Variants in ASMTL observed in about 807,000 individuals in gnomAD.
ASMTL encodes the protein acetylserotonin O-methyltransferase like.
In ASMTL, 57 loss-of-function variants were observed where a neutral mutation model predicts 60.3. That is an observed-to-expected ratio of 0.95 (90% CI 0.76 to 1.18). The LOEUF is 1.18. Among genes scored for constraint, ASMTL ranks in the 50% most tolerant of loss-of-function variants. The probability of loss-of-function intolerance (pLI) is 0.00; values close to 1 mark genes in which losing one functional copy is unlikely to be tolerated. For synonymous variants in ASMTL, 419 were observed against 373.0 expected (o/e 1.12, Z -1.42); for missense variants, 981 against 852.6 (o/e 1.15, Z -1.88).
chrX:1,439,065 C>T, intron 3 of ASMTL, 32 bp downstream of exon 3: 1 of 1,612,240 alleles, frequency 6.2e-7, no homozygotes, highest in Non-Finnish European at 8.5e-7. Context: ...CCACATCGGA[C>T]ATTAGAAACG....
At chrX:1,436,283 C>T (rs748126952) in intron 3 of ASMTL, among the ~76,000 whole-genome samples, 1 of 152,174 alleles carries the variant, frequency 6.6e-6, no homozygotes, top group African/African-American at 2.4e-5. Context: ...AAGTGATTCT[C>T]CTGCCTCAGC....
At chrX:1,434,955 G>T in intron 5 of ASMTL, 67 bp downstream of exon 5, 1 of 1,573,898 alleles carries the variant, frequency 6.4e-7, no homozygotes, top group Non-Finnish European at 8.7e-7. Flanking sequence ...CAAGCCAAGG[G>T]TCCCGAGAAT....
chrX:1,447,144 C>A (rs2091244751), intron 1 of ASMTL, among the ~76,000 whole-genome samples: 1 of 152,234 alleles, frequency 6.6e-6, no homozygotes, highest in South Asian at 2.1e-4. Flanking sequence ...CTCTTCCCCT[C>A]CAGGGCTGTG....
chrX:1,434,031 G>A (rs1424016743), intron 5 of ASMTL, among the ~76,000 whole-genome samples: 1 of 152,162 alleles, frequency 6.6e-6, no homozygotes, highest in Non-Finnish European at 1.5e-5. Context: ...AGGTCCCATG[G>A]GACCCGGCCC....
At chrX:1,425,752 C>A in intron 7 of ASMTL, 65 bp from the exon 8 acceptor site, 1 of 1,540,500 alleles carries the variant, frequency 6.5e-7, no homozygotes, top group Non-Finnish European at 8.9e-7. Flanking sequence ...CTCCCACAGA[C>A]TCAAAAGATG....
At chrX:1,420,698 G>C (rs2090461466) in intron 9 of ASMTL, among the ~76,000 whole-genome samples, 2 of 152,240 alleles carry the variant, frequency 1.3e-5, no homozygotes, top group African/African-American at 4.8e-5. Flanking sequence ...AGGATGCAGG[G>C]AGCGCTTTGC....
rs1411414662 is a variant in ASMTL at position 1,403,202 on chromosome X, TGGGGACC to T, written c.*60_*66del. 1 of 1,338,882 alleles carries T rather than the reference TGGGGACC, an allele frequency of 7.5e-7. No individual in the cohort carries two copies. The highest frequency in any genetic ancestry group is 1.4e-5 in the African/African-American group (1 of 69,672). The allele number at this position is 1,338,882 out of a possible 1,614,324, so 82.9% of individuals were successfully genotyped here. ...TCCTATGTGACTGTCCTATGGTACT[TGGGGACC>T]GGGCGGTCCACCTGCAGCCTGGGGG... On this transcript the variant is annotated 3_prime_UTR_variant, in exon 13 of 13. Coordinates refer to ENST00000381317, the MANE Select transcript of ASMTL (RefSeq NM_004192.4).
chrX:1,412,115 C>G (rs1379955416), intron 12 of ASMTL, among the ~76,000 whole-genome samples: 1 of 152,080 alleles, frequency 6.6e-6, no homozygotes, highest in Non-Finnish European at 1.5e-5. Flanking sequence ...CCACACCTGG[C>G]CACACTGGCC....
chrX:1,436,599 G>A (rs771130348), intron 3 of ASMTL, among the ~76,000 whole-genome samples: 4 of 152,208 alleles, frequency 2.6e-5, no homozygotes, highest in Non-Finnish European at 4.4e-5. Context: ...TGATCCACCC[G>A]CCTCGGCCTC....
chrX:1,413,917 C>G (rs1218866085), intron 11 of ASMTL: 1 of 150,092 alleles, frequency 6.7e-6, no homozygotes, highest in Non-Finnish European at 1.5e-5. Flanking sequence ...AAGAATCAAA[C>G]ACAACTGCAA....
upstream of ASMTL, among the ~76,000 whole-genome samples, chrX:1,453,310 C>T (rs1183229616): frequency 7.3e-5 from 11 of 151,494 alleles, no homozygotes; most frequent in African/African-American, 1.2e-4. Flanking sequence ...CGCCATTGAG[C>T]TCCCCGTGAG....
chrX:1,405,960 G>A (rs1457634350), intron 12 of ASMTL, among the ~76,000 whole-genome samples: 2 of 150,976 alleles, frequency 1.3e-5, no homozygotes, highest in East Asian at 4.0e-4. Context: ...GTAGATGGTA[G>A]ATGATGGGTA....
chrX:1,437,122 T>C (rs1423223677), intron 3 of ASMTL, among the ~76,000 whole-genome samples: 1 of 151,224 alleles, frequency 6.6e-6, no homozygotes, highest in Non-Finnish European at 1.5e-5. Context: ...TACCACAGAC[T>C]GGGTGGCTTA....
In ASMTL at chrX:1,412,933, C is replaced by A. The variant is rs1419620558; in HGVS notation, c.1523-79G>T. On this transcript the variant is annotated intron_variant, in intron 11 of 12. Coordinates refer to ENST00000381317, the MANE Select transcript of ASMTL (RefSeq NM_004192.4). ...CCCCGGACAGATCCTGGGACGGCCA[C>A]CCGCATCCTAAATCAGGGACAGAGA... 3.9e-6 allele frequency: 6 copies of A among 1,524,122 alleles called. No homozygotes were observed. In the African/African-American group the frequency reaches 4.2e-5, roughly 11 times the overall value. The allele number at this position is 1,524,122 out of a possible 1,614,324, so 94.4% of individuals were successfully genotyped here.
chrX:1,416,009 GCACACA>G (rs1228208308), intron 11 of ASMTL, among the ~76,000 whole-genome samples: 23 of 141,782 alleles, frequency 1.6e-4, no homozygotes, highest in Non-Finnish European at 5.9e-5. Flanking sequence ...AGCAAGACAG[GCACACA>G]CACACACACG....
rs1186984049 is a variant in ASMTL, at chrX:1,452,899, CA to C, written c.-60del. On this transcript the variant is annotated 5_prime_UTR_variant, in exon 1 of 13. Coordinates refer to ENST00000381317, the MANE Select transcript of ASMTL (RefSeq NM_004192.4). ...CTGAGCCCGGAGCCCGCGGTGCGCGCAGCGCGGCTGCAAAAAAAACAGGCGG... is the reference window on the plus strand; with the variant it reads ...CTGAGCCCGGAGCCCGCGGTGCGCGCGCGCGGCTGCAAAAAAAACAGGCGG... The C allele has an allele frequency of 2.2e-6, 3 of 1,339,232 alleles. No individual in the cohort carries two copies. The highest frequency in any genetic ancestry group is 3.0e-6 in the Non-Finnish European group (3 of 1,005,210). 83.0% of individuals were successfully genotyped at this position (1,339,232 alleles called of 1,614,324 possible). A position where few individuals can be genotyped will look rare whatever the true frequency, so the allele number is the denominator to read the frequency against.
intron 12 of ASMTL, among the ~76,000 whole-genome samples, chrX:1,404,453 G>A (rs1211771440): frequency 6.6e-6 from 1 of 151,392 alleles, no homozygotes; most frequent in Non-Finnish European, 1.5e-5. Context: ...TGGGTGAATA[G>A]ATGGGTAGGT....
Position 1,425,558 on chromosome X carries a change from C to T in ASMTL, c.1027G>A (p.Ala343Thr). 1 of 1,613,430 alleles carries T rather than the reference C, an allele frequency of 6.2e-7. No homozygotes were observed. Among genetic ancestry groups the T allele is most frequent in the South Asian group, 1.1e-5 (1 of 91,070 alleles). ...CGMERLLDIC[A>T]AMGLLEKTEQ... The stretch of plus-strand genomic sequence containing the variant: ...GTCTTCTCCAGGAGCCCCATGGCAG[C>T]ACAGATGTCCAGAAGCCTCTCCATT... The change falls in exon 8 of 13, where the codon GCT becomes ACT. Residue 343 changes from alanine (A) to threonine (T), a missense_variant. By Grantham distance (58) the Ala-to-Thr change is moderately conservative (BLOSUM62 0). Transcript: ENST00000381317.
At chrX:1,412,237 T>C (rs1239816419) in intron 12 of ASMTL, among the ~76,000 whole-genome samples, 1 of 151,862 alleles carries the variant, frequency 6.6e-6, no homozygotes, top group South Asian at 2.1e-4. Context: ...GTTGTGGTTG[T>C]TCTTTTTTGA....
Sources: gnomAD v4.1 joint callset for allele counts (sites outside exome capture counted in the v4.1 genomes callset) on GRCh38, gnomAD v4.1.1 for gene constraint, MANE v1.5 for transcripts, NCBI Gene and HGNC (gene_info 2026-07-23, HGNC 2026-07-21) for gene names.